Variants in TEDDM1 observed in about 807,000 individuals in gnomAD.
The protein encoded by TEDDM1 is epididymal protein 9.
For missense variants in TEDDM1, 344 were observed against 318.9 expected (o/e 1.08, Z -0.60); for synonymous variants, 126 against 128.0 (o/e 0.98, Z 0.11).
At position 182,399,817 on chromosome 1, in the gene TEDDM1, C is replaced by A; in HGVS notation, c.669G>T (p.Trp223Cys). 6.2e-7 allele frequency: 1 copy of A among 1,614,042 alleles called. No homozygotes were observed. The highest frequency in any genetic ancestry group is 8.5e-7 in the Non-Finnish European group (1 of 1,180,002). Residue 223 changes from tryptophan to cysteine, a missense_variant, in exon 1 of 1, where the codon TGG becomes TGT. Coordinates refer to ENST00000367565, the MANE Select transcript of TEDDM1 (RefSeq NM_172000.4). ...LLGIYGFSSF[W>C]YHCFRPSLKL... ...TCAAGCTGGGTCTGAAACAATGATA[C>A]CAAAAGGAAGAGAAGCCATAGATTC...
In TEDDM1 at chr1:182,398,506, C is replaced by G. The variant is rs1016354094; in HGVS notation, c.*1158G>C. 2 of 152,114 alleles carry G rather than the reference C, an allele frequency of 1.3e-5. No individual in the cohort carries two copies. Among genetic ancestry groups the G allele is most frequent in the African/African-American group, 4.8e-5 (2 of 41,388 alleles). The allele number at this position is 152,114 out of a possible 1,614,324, so 9.4% of individuals were successfully genotyped here. A position where few individuals can be genotyped will look rare whatever the true frequency, so the allele number is the denominator to read the frequency against. Reference sequence around the variant, plus strand: ...AACAAAGCAGATTTAATGTAAGTGCCCAAGAGTTCCAAAACAAGGGAATCA... The same window carrying G: ...AACAAAGCAGATTTAATGTAAGTGCGCAAGAGTTCCAAAACAAGGGAATCA... On this transcript the variant is annotated 3_prime_UTR_variant, in exon 1 of 1. Coordinates refer to ENST00000367565, the MANE Select transcript of TEDDM1 (RefSeq NM_172000.4).
rs137985196 is a variant in TEDDM1, at chr1:182,400,137, A to G, written c.349T>C (p.Ser117Pro). The G allele has an allele frequency of 4.9e-4, 796 of 1,614,062 alleles. 3 individuals carry two copies. The African/African-American group carries it at 9.8e-3, about 20-fold the overall frequency. Residue 117 changes from serine to proline, a missense_variant, in exon 1 of 1, where the codon TCA becomes CCA. Ser to Pro is a moderately conservative substitution (Grantham distance 74). Coordinates refer to ENST00000367565, the MANE Select transcript of TEDDM1 (RefSeq NM_172000.4). ...IIYELLLLMV[S>P]HVKDSEGVEL... The stretch of plus-strand genomic sequence containing the variant: ...ACCCCTTCTGAATCTTTAACATGTG[A>G]CACCATCAGCAGCAGGAGCTCGTAG...
Position 182,400,346 on chromosome 1 carries a change from CAG to C in TEDDM1, c.138_139del (p.Cys47SerfsTer2), listed in dbSNP as rs780878170. On this transcript the variant is annotated frameshift_variant, in exon 1 of 1. Transcript: ENST00000367565. LOFTEE classifies it low-confidence loss of function (END_TRUNC). ...CATGAGCACCATCCCGCCATCAAGA[CAG>C]AGAACCACATAAAATGTTAAGAGGG... 2 of 1,614,180 alleles carry C rather than the reference CAG, an allele frequency of 1.2e-6. No individual in the cohort carries two copies. The highest frequency in any genetic ancestry group is 3.3e-5 in the Admixed American group (2 of 60,018).
rs1558177231 is a variant in TEDDM1 at position 182,400,294 on chromosome 1, CATGAA to C, written c.187_191del (p.Phe63ValfsTer17). The C allele has an allele frequency of 6.2e-7, 1 of 1,614,198 alleles. No individual in the cohort carries two copies. Among genetic ancestry groups the C allele is most frequent in the African/African-American group, 1.3e-5 (1 of 75,040 alleles). On this transcript the variant is annotated frameshift_variant, in exon 1 of 1. Transcript: ENST00000367565. LOFTEE classifies it low-confidence loss of function (END_TRUNC). ...TGAGGTGCTGCCACTCTTTGGGGTA[CATGAA>C]CCTTGATGGCACTTGCTTCCTCATG...
chr1:182,400,616 CCT>C lies in TEDDM1; in HGVS notation c.-133_-132del, dbSNP rs1276360825. On this transcript the variant is annotated 5_prime_UTR_variant, in exon 1 of 1. Transcript: ENST00000367565. ...GAAGCGTGAAGAGCAATACTCAGGA[CCT>C]CTCTGCTCTCCTCTCCCTCACAGGC... The C allele has an allele frequency of 2.9e-6, 2 of 696,364 alleles. No homozygotes were observed. Among genetic ancestry groups the C allele is most frequent in the African/African-American group, 3.6e-5 (2 of 55,566 alleles). The allele number at this position is 696,364 out of a possible 1,614,324, so 43.1% of individuals were successfully genotyped here.
Position 182,399,809 on chromosome 1 carries a change from CAAT to C in TEDDM1, c.674_676del (p.His225_Cys226delinsArg). ...AGTCAGCTTCAAGCTGGGTCTGAAACAATGATACCAAAAGGAAGAGAAGCCATA... is the reference window on the plus strand; with the variant it reads ...AGTCAGCTTCAAGCTGGGTCTGAAACGATACCAAAAGGAAGAGAAGCCATA... On this transcript the variant is annotated inframe_deletion, in exon 1 of 1. Coordinates refer to ENST00000367565, the MANE Select transcript of TEDDM1 (RefSeq NM_172000.4). 5 of 1,614,096 alleles carry C rather than the reference CAAT, an allele frequency of 3.1e-6. No individual in the cohort carries two copies. Among genetic ancestry groups the C allele is most frequent in the Admixed American group, 1.7e-5 (1 of 60,024 alleles).
chr1:182,400,002 A>G lies in TEDDM1; in HGVS notation c.484T>C (p.Phe162Leu), dbSNP rs768234745. 6.2e-7 allele frequency: 1 copy of G among 1,614,142 alleles called. No individual in the cohort carries two copies. The highest frequency in any genetic ancestry group is 8.5e-7 in the Non-Finnish European group (1 of 1,180,018). Residue 162 changes from phenylalanine (F) to leucine (L), a missense_variant, in exon 1 of 1, where the codon TTT becomes CTT. By Grantham distance (22) the Phe-to-Leu change is conservative (BLOSUM62 0). Transcript: ENST00000367565. The part of the protein sequence containing the change: ...NMCHLQLMET[F>L]LILMMGSWLM... ...CAGGAGCCCATCATCAGAATCAGAAAGGTCTCCATCAGCTGGAGATGACAC... is the reference window on the plus strand; with the variant it reads ...CAGGAGCCCATCATCAGAATCAGAAGGGTCTCCATCAGCTGGAGATGACAC...
Position 182,399,532 on chromosome 1 carries a change from G to T in TEDDM1, c.*132C>A. ...AAAAGAAAAGAGAAGAAAAGAAAATGAACCAGCAGACGGGACCAACTGCTA... is the reference window on the plus strand; with the variant it reads ...AAAAGAAAAGAGAAGAAAAGAAAATTAACCAGCAGACGGGACCAACTGCTA... On this transcript the variant is annotated 3_prime_UTR_variant, in exon 1 of 1. Coordinates refer to ENST00000367565, the MANE Select transcript of TEDDM1 (RefSeq NM_172000.4). The T allele has an allele frequency of 2.1e-5, 14 of 663,250 alleles. No individual in the cohort carries two copies. The highest frequency in any genetic ancestry group is 3.5e-5 in the Non-Finnish European group (13 of 375,282). The allele number at this position is 663,250 out of a possible 1,614,324, so 41.1% of individuals were successfully genotyped here.
Position 182,400,445 on chromosome 1 carries a change from G to A in TEDDM1, c.41C>T (p.Pro14Leu). ...KGCLLYPLCS[P>L]RNKQRCARLW... ...CCTGGCACATCTTTGCTTATTCCTG[G>A]GAGAGCACAAAGGATACAGGAGACA... The change falls in exon 1 of 1, where the codon CCC (proline) becomes CTC (leucine). Residue 14 changes from proline to leucine, a missense_variant. Coordinates refer to ENST00000367565, the MANE Select transcript of TEDDM1 (RefSeq NM_172000.4). 3 of 1,613,088 alleles carry A rather than the reference G, an allele frequency of 1.9e-6. No individual in the cohort carries two copies. The highest frequency in any genetic ancestry group is 2.5e-6 in the Non-Finnish European group (3 of 1,179,842).
chr1:182,400,475 T>C lies in TEDDM1; in HGVS notation c.11A>G (p.Lys4Arg), dbSNP rs1261374693. The C allele has an allele frequency of 1.5e-5, 24 of 1,605,248 alleles. No homozygotes were observed. Among genetic ancestry groups the C allele is most frequent in the South Asian group, 4.4e-5 (4 of 90,270 alleles). Residue 4 changes from lysine to arginine, a missense_variant, in exon 1 of 1, where the codon AAA (lysine) becomes AGA (arginine). Physicochemically the swap from Lys to Arg is conservative, Grantham distance 26. Transcript: ENST00000367565. ...GCACAAAGGATACAGGAGACAACCT[T>C]TGAGTATCATGCCCTTGGAGACCAC... MIL[K>R]GCLLYPLCSP...
chr1:182,399,992 A>G lies in TEDDM1; in HGVS notation c.494T>C (p.Leu165Pro). The G allele has an allele frequency of 6.2e-7, 1 of 1,614,170 alleles. No homozygotes were observed. The highest frequency in any genetic ancestry group is 2.2e-5 in the East Asian group (1 of 44,872). The change falls in exon 1 of 1, where the codon CTG (leucine) becomes CCG (proline). Residue 165 changes from leucine (L) to proline (P), a missense_variant. By Grantham distance (98) the Leu-to-Pro change is moderately conservative (BLOSUM62 -3). Transcript: ENST00000367565. Reference protein sequence around the residue: ...HLQLMETFLILMMGSWLMQAG... With the variant: ...HLQLMETFLIPMMGSWLMQAG... ...CTGCATCAGCCAGGAGCCCATCATC[A>G]GAATCAGAAAGGTCTCCATCAGCTG...
At position 182,400,449 on chromosome 1, in the gene TEDDM1, A is replaced by G; in HGVS notation, c.37T>C (p.Ser13Pro). The G allele has an allele frequency of 2.5e-6, 4 of 1,612,746 alleles. No individual in the cohort carries two copies. The highest frequency in any genetic ancestry group is 3.4e-6 in the Non-Finnish European group (4 of 1,179,750). Residue 13 changes from serine (S) to proline (P), a missense_variant, in exon 1 of 1, where the codon TCT becomes CCT. Transcript: ENST00000367565. ...GCACATCTTTGCTTATTCCTGGGAG[A>G]GCACAAAGGATACAGGAGACAACCT... Reference protein sequence around the residue: ...LKGCLLYPLCSPRNKQRCARL... With the variant: ...LKGCLLYPLCPPRNKQRCARL...
chr1:182,400,561 CT>C lies in TEDDM1; in HGVS notation c.-77del. 1 of 1,269,152 alleles carries C rather than the reference CT, an allele frequency of 7.9e-7. No homozygotes were observed. Among genetic ancestry groups the C allele is most frequent in the Non-Finnish European group, 1.1e-6 (1 of 921,768 alleles). The allele number at this position is 1,269,152 out of a possible 1,614,324, so 78.6% of individuals were successfully genotyped here. A position where few individuals can be genotyped will look rare whatever the true frequency, so the allele number is the denominator to read the frequency against. On this transcript the variant is annotated 5_prime_UTR_variant, in exon 1 of 1. The change abolishes the stop of an existing upstream ORF in the 5' untranslated region. Transcript: ENST00000367565. ...GCCCCAGTTAAAAATGGCCAATGGA[CT>C]TTCCCATGGAATACAGGCCTGTCCG...
rs1320946139 is a variant in TEDDM1 at position 182,399,491 on chromosome 1, G to C, written c.*173C>G. The C allele has an allele frequency of 6.7e-6, 4 of 601,230 alleles. No individual in the cohort carries two copies. The highest frequency in any genetic ancestry group is 1.2e-5 in the Non-Finnish European group (4 of 345,384). The allele number at this position is 601,230 out of a possible 1,614,324, so 37.2% of individuals were successfully genotyped here. Reference sequence around the variant, plus strand: ...AGGCTGGGCAACAGAGCGAGACTCTGTCTCAAAAAAAAAAAAAAAGAAAAG... The same window carrying C: ...AGGCTGGGCAACAGAGCGAGACTCTCTCTCAAAAAAAAAAAAAAAGAAAAG... On this transcript the variant is annotated 3_prime_UTR_variant, in exon 1 of 1. Transcript: ENST00000367565.
Position 182,400,070 on chromosome 1 carries a change from A to G in TEDDM1, c.416T>C (p.Leu139Pro). The G allele has an allele frequency of 6.2e-7, 1 of 1,614,132 alleles. No individual in the cohort carries two copies. Among genetic ancestry groups the G allele is most frequent in the Non-Finnish European group, 8.5e-7 (1 of 1,179,984 alleles). ...CTCTGCAGTCAACACCAGCAACAGC[A>G]GGAACACCACCAAGATGAGCAGAGA... ...VYSLLILVVF[L>P]LLLVLTAELW... The change falls in exon 1 of 1, where the codon CTG becomes CCG. Residue 139 changes from leucine to proline, a missense_variant. By Grantham distance (98) the Leu-to-Pro change is moderately conservative. Coordinates refer to ENST00000367565, the MANE Select transcript of TEDDM1 (RefSeq NM_172000.4).
In TEDDM1 at chr1:182,400,380, T is replaced by TCACTC. The variant is rs1312276327; in HGVS notation, c.105_106insGAGTG (p.Thr36GlufsTer2). Reference sequence around the variant, plus strand: ...ACATAAAATGTTAAGAGGGAGCCAGTCACTATCTTTAGTAATCCTCCATAG... The same window carrying TCACTC: ...ACATAAAATGTTAAGAGGGAGCCAGTCACTCCACTATCTTTAGTAATCCTCCATAG... On this transcript the variant is annotated frameshift_variant, in exon 1 of 1. Transcript: ENST00000367565. LOFTEE classifies it low-confidence loss of function (END_TRUNC). The TCACTC allele has an allele frequency of 1.2e-6, 2 of 1,614,196 alleles. No individual in the cohort carries two copies. Among genetic ancestry groups the TCACTC allele is most frequent in the African/African-American group, 2.7e-5 (2 of 75,044 alleles).
At position 182,398,573 on chromosome 1, in the gene TEDDM1, G is replaced by A. The variant is rs906419433; in HGVS notation, c.*1091C>T. ...AGGCCACCTTGGGGATACTTGGTGCGGTGTGGGGGTGGATGTAGGTTTATT... is the reference window on the plus strand; with the variant it reads ...AGGCCACCTTGGGGATACTTGGTGCAGTGTGGGGGTGGATGTAGGTTTATT... On this transcript the variant is annotated 3_prime_UTR_variant, in exon 1 of 1. Coordinates refer to ENST00000367565, the MANE Select transcript of TEDDM1 (RefSeq NM_172000.4). 2.0e-5 allele frequency: 3 copies of A among 152,200 alleles called. No individual in the cohort carries two copies. Among genetic ancestry groups the A allele is most frequent in the South Asian group, 2.1e-4 (1 of 4,834 alleles). The allele number at this position is 152,200 out of a possible 1,614,324, so 9.4% of individuals were successfully genotyped here.
At position 182,399,483 on chromosome 1, in the gene TEDDM1, G is replaced by A. The variant is rs553857781; in HGVS notation, c.*181C>T. 8.3e-6 allele frequency: 5 copies of A among 601,662 alleles called. No homozygotes were observed. Among genetic ancestry groups the A allele is most frequent in the South Asian group, 6.2e-5 (3 of 48,358 alleles). The allele number at this position is 601,662 out of a possible 1,614,324, so 37.3% of individuals were successfully genotyped here. A position where few individuals can be genotyped will look rare whatever the true frequency, so the allele number is the denominator to read the frequency against. ...TGCACTCCAGGCTGGGCAACAGAGC[G>A]AGACTCTGTCTCAAAAAAAAAAAAA... On this transcript the variant is annotated 3_prime_UTR_variant, in exon 1 of 1. Coordinates refer to ENST00000367565, the MANE Select transcript of TEDDM1 (RefSeq NM_172000.4).
chr1:182,399,559 C>A lies in TEDDM1; in HGVS notation c.*105G>T, dbSNP rs753265984. 8.7e-6 allele frequency: 7 copies of A among 802,586 alleles called. No homozygotes were observed. The highest frequency in any genetic ancestry group is 5.0e-5 in the South Asian group (3 of 60,340). 49.7% of individuals were successfully genotyped at this position (802,586 alleles called of 1,614,324 possible). ...ACCAGCAGACGGGACCAACTGCTAG[C>A]CTTCAAGGCCATTACCTTTACCAAG... On this transcript the variant is annotated 3_prime_UTR_variant, in exon 1 of 1. Coordinates refer to ENST00000367565, the MANE Select transcript of TEDDM1 (RefSeq NM_172000.4).
Sources: allele counts gnomAD v4.1 joint callset, GRCh38; gene constraint gnomAD v4.1.1; transcripts MANE v1.5; gene names NCBI Gene and HGNC (gene_info 2026-07-23, HGNC 2026-07-21).